TLL2: variants seen among roughly 807,000 people sequenced by gnomAD.
TLL2 encodes tolloid like 2, also known as tolloid-like protein 2.
Under a neutral mutation model 123.0 loss-of-function variants are expected in TLL2, and 106 were observed. That is an observed-to-expected ratio of 0.86 (90% confidence interval 0.74 to 1.01). The LOEUF (loss-of-function observed/expected upper bound fraction) is 1.01. TLL2 is among the 50% of genes least tolerant of loss of function. The pLI, the probability that TLL2 is intolerant of heterozygous loss-of-function variation, is 0.00. For synonymous variants in TLL2, 494 were observed against 516.8 expected, an observed-to-expected ratio of 0.96 and a Z score of 0.60; for missense variants, 1,332 against 1,336.7, an observed-to-expected ratio of 1.00 and a Z score of 0.06.
Position 96,403,987 on chromosome 10 carries a change from A to G in TLL2, c.1267+1245T>C, listed in dbSNP as rs567716935. Reference sequence around the variant, plus strand: ...ACCTTCCCTTGAACTTAATTATGACATAGATTCTTTTGCTCACATGTTTGT... The same window carrying G: ...ACCTTCCCTTGAACTTAATTATGACGTAGATTCTTTTGCTCACATGTTTGT... On this transcript the variant is annotated intron_variant, in intron 10 of 20. Transcript: ENST00000357947. Among the ~76,000 whole-genome samples, 58 of 152,046 alleles carry G rather than the reference A, an allele frequency of 3.8e-4. 1 individual carries two copies. The highest frequency in any genetic ancestry group is 1.1e-3 in the African/African-American group (47 of 41,482).
At chr10:96,387,675 G>A (rs771046365) in intron 13 of TLL2, among the ~76,000 whole-genome samples, 3 of 152,170 alleles carry the variant, frequency 2.0e-5, no homozygotes, top group Non-Finnish European at 4.4e-5. Flanking sequence ...CCTGCAGGAA[G>A]AGGCCATAAT....
At chr10:96,439,999 A>G (rs774503668) in intron 3 of TLL2, among the ~76,000 whole-genome samples, 3 of 152,220 alleles carry the variant, frequency 2.0e-5, no homozygotes, top group Admixed American at 2.0e-4. Flanking sequence ...CCCATCTTCC[A>G]TCATAGTACA....
At chr10:96,483,697 GGGA>G (rs1847332979) in intron 1 of TLL2, among the ~76,000 whole-genome samples, 1 of 152,112 alleles carries the variant, frequency 6.6e-6, no homozygotes, top group African/African-American at 2.4e-5. Flanking sequence ...TTGTATATAC[GGGA>G]GGAGAAGGAA....
intron 1 of TLL2, among the ~76,000 whole-genome samples, chr10:96,500,262 G>A (rs1002031641): frequency 1.3e-5 from 2 of 151,980 alleles, no homozygotes; most frequent in African/African-American, 4.8e-5. Flanking sequence ...AGGCTGCAGT[G>A]AGCTGTGATT....
intron 3 of TLL2, among the ~76,000 whole-genome samples, chr10:96,445,315 C>T (rs1208862128): frequency 4.6e-5 from 7 of 152,246 alleles, no homozygotes; most frequent in African/African-American, 7.2e-5. Flanking sequence ...TCTCCTCCAG[C>T]ACTGCTTCTG....
chr10:96,473,572 A>G (rs889804014), intron 2 of TLL2, among the ~76,000 whole-genome samples: 1 of 152,196 alleles, frequency 6.6e-6, no homozygotes, highest in Admixed American at 6.5e-5. Context: ...TTATGCAGAC[A>G]TCCTACACAG....
Position 96,458,687 on chromosome 10 carries a change from C to G in TLL2, c.287-12519G>C, listed in dbSNP as rs1053538051. On this transcript the variant is annotated intron_variant, in intron 2 of 20. Coordinates refer to ENST00000357947, the MANE Select transcript of TLL2 (RefSeq NM_012465.4). ...TAGGGAGTCTGAGGTGGGAGAATTGCTTGAACCCAGGAGGCAGAGGTTGCA... is the reference window on the plus strand; with the variant it reads ...TAGGGAGTCTGAGGTGGGAGAATTGGTTGAACCCAGGAGGCAGAGGTTGCA... Among the ~76,000 whole-genome samples the G allele has an allele frequency of 4.0e-5, 6 of 148,668 alleles. 1 individual carries two copies. The South Asian group carries it at 1.3e-3, about 32-fold the overall frequency.
intron 13 of TLL2, among the ~76,000 whole-genome samples, chr10:96,392,953 AAGG>A (rs1399258776): frequency 6.6e-6 from 1 of 152,318 alleles, no homozygotes; most frequent in South Asian, 2.1e-4. Flanking sequence ...TTAGGGTCAG[AAGG>A]AGGAGATGTG....
chr10:96,406,635 T>C (rs1284430555), intron 9 of TLL2, among the ~76,000 whole-genome samples: 1 of 152,156 alleles, frequency 6.6e-6, no homozygotes, highest in African/African-American at 2.4e-5. Flanking sequence ...AGGACTGTTA[T>C]TTGGCCTTGT....
chr10:96,501,865 C>T (rs1158604052), intron 1 of TLL2, among the ~76,000 whole-genome samples: 1 of 152,236 alleles, frequency 6.6e-6, no homozygotes, highest in Admixed American at 6.5e-5. Context: ...GTTGGGCACC[C>T]ACCATGTGCT....
chr10:96,397,502 T>C (rs1846353271), intron 10 of TLL2, among the ~76,000 whole-genome samples, 200 bp from the exon 11 acceptor site: 1 of 152,152 alleles, frequency 6.6e-6, no homozygotes, highest in African/African-American at 2.4e-5. Context: ...CTTAATTCTT[T>C]TTCAGGCTGA....
Position 96,397,254 on chromosome 10 carries a change from CTG to C in TLL2, c.1314_1315del (p.Asp438GlufsTer45). ...GCTGCGGAACTCCACCCAGAGCCGG[CTG>C]TCCGTGGAGACGAGGGGCTCCGGGA... On this transcript the variant is annotated frameshift_variant, in exon 11 of 21. Coordinates refer to ENST00000357947, the MANE Select transcript of TLL2 (RefSeq NM_012465.4). LOFTEE classifies it high-confidence loss of function. 6.2e-7 allele frequency: 1 copy of C among 1,613,846 alleles called. No individual in the cohort carries two copies. Among genetic ancestry groups the C allele is most frequent in the Non-Finnish European group, 8.5e-7 (1 of 1,179,830 alleles).
At chr10:96,395,516 T>A in intron 12 of TLL2, 134 bp from the exon 13 acceptor site, 1 of 843,996 alleles carries the variant, frequency 1.2e-6, no homozygotes, top group South Asian at 2.0e-5. Context: ...CCCAGGTCTC[T>A]CCATGCTGCT....
At chr10:96,490,872 G>C (rs1847405534) in intron 1 of TLL2, among the ~76,000 whole-genome samples, 1 of 152,136 alleles carries the variant, frequency 6.6e-6, no homozygotes, top group Non-Finnish European at 1.5e-5. Flanking sequence ...GTCAAAATCT[G>C]CATGTTAACA....
chr10:96,509,676 G>A (rs1029188922), intron 1 of TLL2, among the ~76,000 whole-genome samples: 1 of 152,250 alleles, frequency 6.6e-6, no homozygotes, highest in Admixed American at 6.5e-5. Context: ...GGCCGGGCAC[G>A]GTGGCTCACG....
At chr10:96,470,168 C>T (rs1847165471) in intron 2 of TLL2, among the ~76,000 whole-genome samples, 1 of 152,228 alleles carries the variant, frequency 6.6e-6, no homozygotes, top group Non-Finnish European at 1.5e-5. Context: ...GGTCTCCTTT[C>T]CAGACACTCT....
intron 12 of TLL2, among the ~76,000 whole-genome samples, 196 bp from the exon 13 acceptor site, chr10:96,395,578 A>C (rs1204673822): frequency 1.3e-5 from 2 of 152,232 alleles, no homozygotes; most frequent in Non-Finnish European, 2.9e-5. Flanking sequence ...AACTGAGAAG[A>C]GTCTAAGAGG....
chr10:96,489,835 G>A (rs1360391237), intron 1 of TLL2, among the ~76,000 whole-genome samples: 2 of 151,840 alleles, frequency 1.3e-5, no homozygotes, highest in African/African-American at 2.4e-5. Context: ...AGTGGCTCAC[G>A]CCTGTAATCC....
chr10:96,496,041 T>C (rs931360444), intron 1 of TLL2, among the ~76,000 whole-genome samples: 1 of 152,116 alleles, frequency 6.6e-6, no homozygotes, highest in African/African-American at 2.4e-5. Flanking sequence ...GAAACTGGGG[T>C]CCAAGAAGGT....
Sources: gnomAD v4.1 joint callset for allele counts (sites outside exome capture counted in the v4.1 genomes callset) on GRCh38, gnomAD v4.1.1 for gene constraint, MANE v1.5 for transcripts, NCBI Gene and HGNC (gene_info 2026-07-23, HGNC 2026-07-21) for gene names.